SYTL2: variants seen among roughly 807,000 people sequenced by gnomAD.
The protein encoded by SYTL2 is synaptotagmin-like protein 2.
A neutral mutation model predicts 198.7 loss-of-function variants in SYTL2; 165 were observed. The observed-to-expected ratio is 0.83, with a 90% CI of 0.73 to 0.94. SYTL2 has a LOEUF of 0.94. Ranked by LOEUF, SYTL2 falls within the 40% of genes least tolerant of loss-of-function variation. The pLI, the probability that SYTL2 is intolerant of heterozygous loss-of-function variation, is 0.00. For synonymous variants in SYTL2, 966 were observed against 917.7 expected, an observed-to-expected ratio of 1.05 and a Z score of -0.95; for missense variants, 2,835 against 2,582.8, an observed-to-expected ratio of 1.10 and a Z score of -2.12.
At chr11:85,731,619 C>T (rs565590257) in intron 7 of SYTL2, among the ~76,000 whole-genome samples, 1 of 152,284 alleles carries the variant, frequency 6.6e-6, no homozygotes, top group South Asian at 2.1e-4. Context: ...AGCCCTAAAA[C>T]CATAAAAACC....
chr11:85,696,474 G>T, intron 18 of SYTL2, 86 bp from the exon 19 acceptor site: 1 of 1,100,834 alleles, frequency 9.1e-7, no homozygotes, highest in Non-Finnish European at 1.4e-6. Context: ...AGCTATTAAA[G>T]ATTGACAATG....
rs745645456 is a variant in SYTL2, at chr11:85,734,392, C to G, written c.937G>C (p.Glu313Gln). The G allele has an allele frequency of 3.7e-6, 6 of 1,614,074 alleles. No homozygotes were observed. Among genetic ancestry groups the G allele is most frequent in the Non-Finnish European group, 5.1e-6 (6 of 1,180,032 alleles). ...TTGTCTTCTAAAGAATGCTCCTTCT[C>G]AGAAATTCTCTCATGGATGGTTAGG... ...PGLTIHERISEKEHSLEDNSS... is the reference protein window; with the variant it reads ...PGLTIHERISQKEHSLEDNSS... Residue 313 changes from glutamate to glutamine, a missense_variant, in exon 7 of 20, where the codon GAG becomes CAG. Glu to Gln is a conservative substitution (Grantham distance 29). This residue lies in a region of SYTL2 where 2,645 missense variants were observed against 2,381.7 expected (regional missense o/e 1.11). Transcript: ENST00000359152.
chr11:85,767,476 A>G (rs1325550204), intron 1 of SYTL2, among the ~76,000 whole-genome samples: 3 of 152,206 alleles, frequency 2.0e-5, no homozygotes, highest in Non-Finnish European at 4.4e-5. Flanking sequence ...GAACAAGCTG[A>G]TTTATTAACT....
At chr11:85,731,760 T>G (rs640620) in intron 7 of SYTL2, among the ~76,000 whole-genome samples, 118,167 of 151,708 alleles carry the variant, frequency 0.78, 46,418 homozygotes, top group African/African-American at 0.88. Context: ...AAGAGCTTCT[T>G]CATAGCAAAA....
chr11:85,769,225 CTT>C (rs1168377420), intron 1 of SYTL2, among the ~76,000 whole-genome samples: 1 of 152,136 alleles, frequency 6.6e-6, no homozygotes, highest in Non-Finnish European at 1.5e-5. Context: ...GTAAAAGAAA[CTT>C]TGTAGATATC....
At chr11:85,774,517 G>A (rs1279693067) in intron 1 of SYTL2, among the ~76,000 whole-genome samples, 1 of 152,118 alleles carries the variant, frequency 6.6e-6, no homozygotes, top group Non-Finnish European at 1.5e-5. Context: ...CAGGAGCTGG[G>A]GTTTCCCTCA....
At chr11:85,765,442 G>A (rs996312490) in intron 1 of SYTL2, among the ~76,000 whole-genome samples, 3 of 152,108 alleles carry the variant, frequency 2.0e-5, no homozygotes, top group African/African-American at 7.2e-5. Context: ...TCACCATGTT[G>A]CCCAGGCTGG....
Position 85,725,975 on chromosome 11 carries a change from C to A in SYTL2, c.3383G>T (p.Cys1128Phe). Residue 1128 changes from cysteine (C) to phenylalanine (F), a missense_variant, in exon 8 of 20, where the codon TGC becomes TTC. Cys to Phe is a radical substitution (Grantham distance 205). Around this residue, in one of 3 missense-constraint regions of SYTL2, gnomAD observed 2,645 missense variants for 2,381.7 expected, o/e 1.11. Coordinates refer to ENST00000359152, the MANE Select transcript of SYTL2 (RefSeq NM_206927.4). ...IIKTNVLSKD[C>F]KDTFNDSLQK... is the part of the protein sequence containing the mutation. ...CAAGCTGTCATTAAAAGTGTCTTTG[C>A]AGTCTTTAGACAAAACATTGGTTTT... The A allele has an allele frequency of 6.2e-7, 1 of 1,614,102 alleles. No homozygotes were observed. The highest frequency in any genetic ancestry group is 1.3e-5 in the African/African-American group (1 of 75,062).
intron 1 of SYTL2, among the ~76,000 whole-genome samples, chr11:85,773,364 T>A (rs1264964971): frequency 1.3e-5 from 2 of 152,244 alleles, no homozygotes; most frequent in African/African-American, 2.4e-5. Flanking sequence ...CTTTCACACC[T>A]CTGTCTTTGG....
the SYTL2 span, among the ~76,000 whole-genome samples, chr11:85,835,857 G>T: frequency 2.6e-5 from 4 of 152,238 alleles, no homozygotes; most frequent in Non-Finnish European, 5.9e-5. Context: ...TTGGTAGTAG[G>T]GTCTTTCTGG....
intron 1 of SYTL2, among the ~76,000 whole-genome samples, chr11:85,786,036 T>G (rs995439372): frequency 6.6e-6 from 1 of 152,172 alleles, no homozygotes; most frequent in East Asian, 1.9e-4. Flanking sequence ...TTAAACAAAC[T>G]CTGGTACATC....
chr11:85,778,779 C>A (rs1272711785), intron 1 of SYTL2, among the ~76,000 whole-genome samples: 1 of 152,140 alleles, frequency 6.6e-6, no homozygotes, highest in Non-Finnish European at 1.5e-5. Context: ...AAGTTTGAGA[C>A]CAGCCTGGGC....
rs543504480 is a variant in SYTL2 at position 85,726,474 on chromosome 11, T to C, written c.2884A>G (p.Met962Val). The C allele has an allele frequency of 5.0e-6, 8 of 1,611,882 alleles. 1 individual carries two copies. The highest frequency in any genetic ancestry group is 1.3e-5 in the African/African-American group (1 of 75,046). ...VRESNANFKVMSLKERMDEPN... is the reference protein window; with the variant it reads ...VRESNANFKVVSLKERMDEPN... Reference sequence around the variant, plus strand: ...TCATCCATTCTTTCTTTTAGGGACATAACTTTAAAGTTGGCATTTGATTCA... The same window carrying C: ...TCATCCATTCTTTCTTTTAGGGACACAACTTTAAAGTTGGCATTTGATTCA... Residue 962 changes from methionine to valine, a missense_variant, in exon 8 of 20, where the codon ATG becomes GTG. Met to Val is a conservative substitution (Grantham distance 21, BLOSUM62 1). Around this residue, in one of 3 missense-constraint regions of SYTL2, gnomAD observed 2,645 missense variants for 2,381.7 expected, o/e 1.11. Coordinates refer to ENST00000359152, the MANE Select transcript of SYTL2 (RefSeq NM_206927.4).
chr11:85,824,647 A>G, the SYTL2 span, among the ~76,000 whole-genome samples: 24 of 152,348 alleles, frequency 1.6e-4, no homozygotes, highest in Admixed American at 6.5e-4. Flanking sequence ...AGTTGAGGCC[A>G]TAGCAAAGAT....
At position 85,724,393 on chromosome 11, in the gene SYTL2, G is replaced by A; in HGVS notation, c.4965C>T (p.Ser1655=). The change falls in exon 8 of 20, where the codon TCC becomes TCT. Residue 1655 remains serine (S), a synonymous_variant. Coordinates refer to ENST00000359152, the MANE Select transcript of SYTL2 (RefSeq NM_206927.4). ...VTDLLVDFCG[S]RSGVEIPRTP... Reference sequence around the variant, plus strand: ...TTCTAGGGATCTCAACTCCACTTCTGGAACCACAAAAATCTACCAATAAAT... The same window carrying A: ...TTCTAGGGATCTCAACTCCACTTCTAGAACCACAAAAATCTACCAATAAAT... The A allele has an allele frequency of 1.3e-6, 2 of 1,596,168 alleles. No individual in the cohort carries two copies. The highest frequency in any genetic ancestry group is 8.5e-7 in the Non-Finnish European group (1 of 1,172,732).
intron 2 of SYTL2, among the ~76,000 whole-genome samples, chr11:85,755,560 A>G (rs1267427900): frequency 6.6e-6 from 1 of 152,050 alleles, no homozygotes; most frequent in Admixed American, 6.6e-5. Flanking sequence ...GACTCACACC[A>G]TTTTCGCTGA....
At chr11:85,844,398 A>G in the SYTL2 span, among the ~76,000 whole-genome samples, 1 of 152,228 alleles carries the variant, frequency 6.6e-6, no homozygotes, top group Non-Finnish European at 1.5e-5. Context: ...ATATTGGTAC[A>G]TATTCCTGAA....
intron 1 of SYTL2, among the ~76,000 whole-genome samples, chr11:85,759,018 G>A (rs2092002386): frequency 1.3e-5 from 2 of 152,112 alleles, no homozygotes; most frequent in Non-Finnish European, 2.9e-5. Context: ...GCCAAGGTGG[G>A]TGGATCACCT....
intron 1 of SYTL2, among the ~76,000 whole-genome samples, chr11:85,790,303 A>G (rs1238458438): frequency 6.6e-6 from 1 of 152,156 alleles, no homozygotes; most frequent in Non-Finnish European, 1.5e-5. Context: ...CTACAGAAAT[A>G]GCAATTTCAC....
Sources: gnomAD v4.1 joint callset for allele counts (sites outside exome capture counted in the v4.1 genomes callset) on GRCh38, gnomAD v4.1.1 for gene constraint, gnomAD v4.1.1 regional missense constraint, MANE v1.5 for transcripts, NCBI Gene and HGNC (gene_info 2026-07-23, HGNC 2026-07-21) for gene names.